DLGAP2: variants seen among roughly 807,000 people sequenced by gnomAD.
The protein encoded by DLGAP2 is DLG associated protein 2.
DLGAP2 carries 26 observed loss-of-function variants against 100.3 expected under a neutral mutation model. The ratio of observed to expected loss-of-function variants is 0.26; its 90% CI spans 0.19 to 0.36. The LOEUF (loss-of-function observed/expected upper bound fraction) is 0.36, where lower values mean the gene tolerates loss of function less well. Ranked by LOEUF, DLGAP2 falls within the 10% of genes least tolerant of loss-of-function variation. The probability of loss-of-function intolerance (pLI) is 1.00; values close to 1 mark genes in which losing one functional copy is unlikely to be tolerated. For missense variants in DLGAP2, 1,858 were observed against 1,453.2 expected (o/e 1.28, Z -4.53); for synonymous variants, 886 against 630.1 (o/e 1.41, Z -6.08).
At chr8:967,175 G>A (rs899294090) in intron 2 of DLGAP2, among the ~76,000 whole-genome samples, 2 of 152,242 alleles carry the variant, frequency 1.3e-5, no homozygotes, top group South Asian at 2.1e-4. Flanking sequence ...TTCACTGCCT[G>A]TGTCATGTGC....
At chr8:1,151,468 A>G (rs1016522153) in intron 2 of DLGAP2, among the ~76,000 whole-genome samples, 1 of 152,186 alleles carries the variant, frequency 6.6e-6, no homozygotes, top group Non-Finnish European at 1.5e-5. Context: ...GGGACGGTGA[A>G]CACGTGCGAA....
chr8:1,068,431 C>G (rs1260779067), intron 2 of DLGAP2, among the ~76,000 whole-genome samples: 1 of 152,208 alleles, frequency 6.6e-6, no homozygotes, highest in Non-Finnish European at 1.5e-5. Context: ...ATAAGAGTTC[C>G]TGTTCATCCA....
chr8:1,082,783 G>T (rs1487761484), intron 2 of DLGAP2, among the ~76,000 whole-genome samples: 2 of 152,188 alleles, frequency 1.3e-5, no homozygotes, highest in African/African-American at 4.8e-5. Flanking sequence ...CTACTTTGTG[G>T]AGAGAATCAG....
Position 745,844 on chromosome 8 carries a change from TA to T in DLGAP2, c.18+8022del, listed in dbSNP as rs529982473. On this transcript the variant is annotated intron_variant, in intron 1 of 14. Transcript: ENST00000637795. ...TATGAATACTTTCATCCCATTTCCC[TA>T]AAGCTACTGAGTTTGGAGCATAAAG... Among the ~76,000 whole-genome samples the T allele has an allele frequency of 3.9e-5, 6 of 152,334 alleles. No individual in the cohort carries two copies. In the South Asian group the frequency reaches 1.2e-3, roughly 32 times the overall value.
At chr8:1,596,606 C>G (rs1796466774) in intron 6 of DLGAP2, among the ~76,000 whole-genome samples, 1 of 152,158 alleles carries the variant, frequency 6.6e-6, no homozygotes, top group South Asian at 2.1e-4. Context: ...TTTTGATTTG[C>G]AGTTCTCTAA....
chr8:1,605,177 T>TA (rs1202993983), intron 6 of DLGAP2, among the ~76,000 whole-genome samples: 1 of 152,090 alleles, frequency 6.6e-6, no homozygotes, highest in East Asian at 1.9e-4. Flanking sequence ...ATCCGTGACT[T>TA]ACCCAGGTTC....
intron 3 of DLGAP2, among the ~76,000 whole-genome samples, chr8:1,336,612 C>T (rs1306447360): frequency 2.0e-5 from 3 of 152,206 alleles, no homozygotes; most frequent in Non-Finnish European, 4.4e-5. Context: ...TGGACACCAG[C>T]AGCCTCTGTG....
chr8:1,234,400 C>G (rs1433865242), intron 2 of DLGAP2, among the ~76,000 whole-genome samples: 1 of 152,288 alleles, frequency 6.6e-6, no homozygotes, highest in East Asian at 1.9e-4. Flanking sequence ...TGGCATCACC[C>G]CGATCCTCAC....
At chr8:795,600 T>C (rs1020085070) in intron 1 of DLGAP2, among the ~76,000 whole-genome samples, 7 of 125,870 alleles carry the variant, frequency 5.6e-5, no homozygotes, top group Non-Finnish European at 1.0e-4. Flanking sequence ...GACTCACAGG[T>C]CCGTCATGGA....
At chr8:1,326,544 C>G (rs1020017171) in intron 3 of DLGAP2, among the ~76,000 whole-genome samples, 4 of 151,198 alleles carry the variant, frequency 2.6e-5, no homozygotes, top group Non-Finnish European at 5.9e-5. Flanking sequence ...TCCTGTCTTT[C>G]AGGACATGGC....
chr8:1,434,888 CCTT>C (rs929366019), intron 3 of DLGAP2, among the ~76,000 whole-genome samples: 16 of 152,334 alleles, frequency 1.1e-4, no homozygotes, highest in African/African-American at 3.8e-4. Context: ...GTATCATCAT[CCTT>C]CTTATCACTG....
intron 3 of DLGAP2, among the ~76,000 whole-genome samples, chr8:1,340,714 A>C (rs1801397844): frequency 6.6e-6 from 1 of 152,208 alleles, no homozygotes; most frequent in Non-Finnish European, 1.5e-5. Flanking sequence ...GGACTCAGCA[A>C]TGCCATTAGT....
At chr8:1,469,097 T>C (rs779745210) in intron 3 of DLGAP2, among the ~76,000 whole-genome samples, 7 of 151,848 alleles carry the variant, frequency 4.6e-5, no homozygotes, top group Non-Finnish European at 8.8e-5. Context: ...TCATTCATTC[T>C]ATGAAAGAAA....
At chr8:829,115 C>T (rs944128983) in intron 1 of DLGAP2, among the ~76,000 whole-genome samples, 1 of 152,154 alleles carries the variant, frequency 6.6e-6, no homozygotes, top group African/African-American at 2.4e-5. Context: ...CAGGAGAAAT[C>T]CCTAGTGTTT....
intron 3 of DLGAP2, among the ~76,000 whole-genome samples, chr8:1,493,073 C>T (rs1319288754): frequency 6.6e-6 from 1 of 152,190 alleles, no homozygotes; most frequent in Non-Finnish European, 1.5e-5. Flanking sequence ...CAAGGGAAGT[C>T]CAGGAGGATC....
At chr8:1,167,763 ACGTCTACAG>A (rs758217051) in intron 2 of DLGAP2, among the ~76,000 whole-genome samples, 169 of 152,324 alleles carry the variant, frequency 1.1e-3, no homozygotes, top group Non-Finnish European at 1.9e-3. Flanking sequence ...CATTTGTTGA[ACGTCTACAG>A]TGTCTGACAC....
chr8:1,422,823 T>G (rs1797135261), intron 3 of DLGAP2, among the ~76,000 whole-genome samples: 1 of 152,032 alleles, frequency 6.6e-6, no homozygotes, highest in Non-Finnish European at 1.5e-5. Context: ...CAAGCAGTCT[T>G]CAAATGTGAG....
intron 2 of DLGAP2, among the ~76,000 whole-genome samples, chr8:1,158,794 T>C (rs1345570706): frequency 6.6e-6 from 1 of 152,228 alleles, no homozygotes; most frequent in Non-Finnish European, 1.5e-5. Flanking sequence ...TCTGTCCACA[T>C]CGACAACTGC....
intron 3 of DLGAP2, among the ~76,000 whole-genome samples, chr8:1,410,915 A>G (rs139612322): frequency 0.017 from 2,507 of 151,858 alleles, 29 homozygotes; most frequent in Middle Eastern, 0.027. Context: ...GAACATGTAA[A>G]TATCTTTACT....
Sources: gnomAD v4.1 joint callset for allele counts (sites outside exome capture counted in the v4.1 genomes callset) on GRCh38, gnomAD v4.1.1 for gene constraint, MANE v1.5 for transcripts, NCBI Gene and HGNC (gene_info 2026-07-23, HGNC 2026-07-21) for gene names.